The following CHST1 variants were observed in gnomAD, a reference collection of about 807,000 sequenced individuals.
CHST1 encodes carbohydrate sulfotransferase 1.
In CHST1, 10 loss-of-function variants were observed where a neutral mutation model predicts 22.5. The ratio of observed to expected loss-of-function variants is 0.44; its 90% CI spans 0.27 to 0.75. CHST1 has a LOEUF of 0.75. CHST1 is among the 30% of genes least tolerant of loss of function. CHST1 has a pLI of 0.15. For missense variants in CHST1, 439 were observed against 576.1 expected (o/e 0.76, Z 2.44); for synonymous variants, 267 against 264.5 (o/e 1.01, Z -0.09).
intron 1 of CHST1, among the ~76,000 whole-genome samples, chr11:45,653,270 G>A (rs749969725): frequency 6.6e-6 from 1 of 152,064 alleles, no homozygotes; most frequent in Non-Finnish European, 1.5e-5. Flanking sequence ...CACTCCCACT[G>A]TTCAGATGGA....
chr11:45,663,640 G>T (rs557272321), intron 1 of CHST1, among the ~76,000 whole-genome samples: 1 of 152,218 alleles, frequency 6.6e-6, no homozygotes, highest in South Asian at 2.1e-4. Context: ...GGGATGATTA[G>T]CAGAGACTTG....
chr11:45,656,119 C>T (rs1852058704), intron 1 of CHST1, among the ~76,000 whole-genome samples: 1 of 152,256 alleles, frequency 6.6e-6, no homozygotes, highest in South Asian at 2.1e-4. Context: ...AAACCCAGGG[C>T]TGAGGCCTTG....
chr11:45,663,359 G>C (rs1852157926), intron 1 of CHST1, among the ~76,000 whole-genome samples: 1 of 152,202 alleles, frequency 6.6e-6, no homozygotes, highest in Non-Finnish European at 1.5e-5. Context: ...GTCGGCAAGG[G>C]TTGGGGGGAG....
At position 45,649,933 on chromosome 11, in the gene CHST1, A is replaced by G; in HGVS notation, c.991T>C (p.Trp331Arg). 6.2e-7 allele frequency: 1 copy of G among 1,613,198 alleles called. No homozygotes were observed. Among genetic ancestry groups the G allele is most frequent in the Non-Finnish European group, 8.5e-7 (1 of 1,180,030 alleles). Reference sequence around the variant, plus strand: ...TCGCCCCGCGTGTTGTTCTGGATCCAGCGGGCCACGTGGCTGTCCAGCGGG... The same window carrying G: ...TCGCCCCGCGTGTTGTTCTGGATCCGGCGGGCCACGTGGCTGTCCAGCGGG... ...GIPLDSHVAR[W>R]IQNNTRGDPT... Residue 331 changes from tryptophan to arginine, a missense_variant, in exon 4 of 4, where the codon TGG (tryptophan) becomes CGG (arginine). Physicochemically the swap from Trp to Arg is moderately radical, Grantham distance 101 (BLOSUM62 -3). Coordinates refer to ENST00000308064, the MANE Select transcript of CHST1 (RefSeq NM_003654.6).
intron 1 of CHST1, among the ~76,000 whole-genome samples, chr11:45,656,237 T>C (rs1327508108): frequency 6.6e-6 from 1 of 152,130 alleles, no homozygotes; most frequent in Non-Finnish European, 1.5e-5. Flanking sequence ...CCCGAACCTC[T>C]GAAAGCCCAA....
Position 45,665,004 on chromosome 11 carries a change from C to T in CHST1, c.-227+174G>A, listed in dbSNP as rs536001610. Among the ~76,000 whole-genome samples the T allele has an allele frequency of 7.9e-4, 120 of 152,144 alleles. 2 individuals are homozygous for T. Among genetic ancestry groups the T allele is most frequent in the Non-Finnish European group, 1.5e-3 (100 of 67,960 alleles). On this transcript the variant is annotated intron_variant, in intron 1 of 3. Transcript: ENST00000308064. This position sits in a 1 kb window ranked among gnomAD's most constrained non-coding sequence, Gnocchi z 4.0. ...TCACCGGCCACCAGCCCCGGCAGCC[C>T]CTTCCTGCGCCCAACACGCCGCCGT...
chr11:45,663,291 GAC>G (rs1852156951), intron 1 of CHST1, among the ~76,000 whole-genome samples: 1 of 152,148 alleles, frequency 6.6e-6, no homozygotes, highest in Admixed American at 6.5e-5. Flanking sequence ...GATGCGGCCT[GAC>G]ACACACCCCT....
chr11:45,664,995 C>T (rs1237650317), intron 1 of CHST1, among the ~76,000 whole-genome samples, 183 bp downstream of exon 1: 1 of 151,992 alleles, frequency 6.6e-6, no homozygotes, highest in Non-Finnish European at 1.5e-5. Flanking sequence ...GCCACCAGCC[C>T]CGGCAGCCCC....
intron 1 of CHST1, among the ~76,000 whole-genome samples, chr11:45,661,482 C>A (rs182339037): frequency 9.2e-5 from 14 of 152,214 alleles, no homozygotes; most frequent in Admixed American, 6.5e-4. Context: ...TGGCAGGAAC[C>A]GGAGAGCTGG....
Position 45,649,748 on chromosome 11 carries a change from C to T in CHST1, c.1176G>A (p.Glu392=). 6.2e-7 allele frequency: 1 copy of T among 1,609,072 alleles called. No individual in the cohort carries two copies. The highest frequency in any genetic ancestry group is 1.3e-5 in the African/African-American group (1 of 75,030). ...QLGYKIAASE[E]ELKNPSVSLV... ...GGCTGACCGAGGGGTTCTTCAGCTC[C>T]TCCTCCGAGGCGGCGATCTTGTAGC... The change falls in exon 4 of 4, where the codon GAG becomes GAA. Residue 392 remains glutamate (E), a synonymous_variant. Coordinates refer to ENST00000308064, the MANE Select transcript of CHST1 (RefSeq NM_003654.6).
chr11:45,655,098 C>G (rs954219997), intron 1 of CHST1, among the ~76,000 whole-genome samples: 1 of 152,232 alleles, frequency 6.6e-6, no homozygotes, highest in African/African-American at 2.4e-5. Flanking sequence ...GATCCCAGCT[C>G]AGCCACTTAC....
intron 1 of CHST1, among the ~76,000 whole-genome samples, chr11:45,660,182 A>G (rs552352976): frequency 5.3e-5 from 8 of 152,238 alleles, no homozygotes; most frequent in Non-Finnish European, 7.3e-5. Flanking sequence ...GCCTAGGGGT[A>G]AGAACTACAG....
chr11:45,648,968 T>C lies in CHST1; in HGVS notation c.*720A>G, dbSNP rs1851952301. The C allele has an allele frequency of 6.6e-6, 1 of 152,492 alleles. No individual in the cohort carries two copies. Among genetic ancestry groups the C allele is most frequent in the Admixed American group, 6.6e-5 (1 of 15,266 alleles). The allele number at this position is 152,492 out of a possible 1,614,324, so 9.4% of individuals were successfully genotyped here. A position where few individuals can be genotyped will look rare whatever the true frequency, so the allele number is the denominator to read the frequency against. On this transcript the variant is annotated 3_prime_UTR_variant, in exon 4 of 4. Coordinates refer to ENST00000308064, the MANE Select transcript of CHST1 (RefSeq NM_003654.6). ...AAACTGATCCACTCTTTTTTTTTCT[T>C]TTTGGCACAAAGAAATATCACAGAT...
intron 1 of CHST1, among the ~76,000 whole-genome samples, chr11:45,659,061 G>A (rs2120347920): frequency 6.6e-6 from 1 of 152,328 alleles, no homozygotes; most frequent in African/African-American, 2.4e-5. Flanking sequence ...AGGACCCAGA[G>A]CCTTGAGACT....
rs372517503 is a variant in CHST1, at chr11:45,657,238, T to C, written c.-226-4632A>G. 5.3e-5 allele frequency among the ~76,000 whole-genome samples: 8 copies of C among 152,276 alleles called. 1 individual carries two copies. Among genetic ancestry groups the C allele is most frequent in the African/African-American group, 1.9e-4 (8 of 41,546 alleles). ...CAGCACTAATCCCCCATGAATGTTT[T>C]AGTTAAGGCTAAAATGCATAAAACA... is the stretch of plus-strand genomic sequence containing the variant. On this transcript the variant is annotated intron_variant, in intron 1 of 3. Transcript: ENST00000308064.
rs531237811 is a variant in CHST1 at position 45,648,393 on chromosome 11, A to T, written c.*1295T>A. On this transcript the variant is annotated 3_prime_UTR_variant, in exon 4 of 4. Coordinates refer to ENST00000308064, the MANE Select transcript of CHST1 (RefSeq NM_003654.6). ...CCGGTCTCAACTGACTGAAGGAAAA[A>T]AAAAACGGCTGGGTGAGGTGGCTCA... Among the ~76,000 whole-genome samples the T allele has an allele frequency of 7.2e-5, 11 of 152,194 alleles. No homozygotes were observed. The highest frequency in any genetic ancestry group is 3.3e-4 in the Admixed American group (5 of 15,292).
Position 45,648,368 on chromosome 11 carries a change from C to G in CHST1, c.*1320G>C, listed in dbSNP as rs1053389554. Among the ~76,000 whole-genome samples, 1 of 151,904 alleles carries G rather than the reference C, an allele frequency of 6.6e-6. No individual in the cohort carries two copies. Among genetic ancestry groups the G allele is most frequent in the Non-Finnish European group, 1.5e-5 (1 of 67,972 alleles). ...AACATTATCCCTGGCTATAAGTTAC[C>G]CGGTCTCAACTGACTGAAGGAAAAA... On this transcript the variant is annotated 3_prime_UTR_variant, in exon 4 of 4. Transcript: ENST00000308064.
At chr11:45,662,467 G>C (rs1291529266) in intron 1 of CHST1, among the ~76,000 whole-genome samples, 4 of 152,328 alleles carry the variant, frequency 2.6e-5, no homozygotes. Flanking sequence ...CTTCCCAGCG[G>C]GGGGTGTGCC....
chr11:45,650,716 G>A lies in CHST1; in HGVS notation c.208C>T (p.Arg70Cys), dbSNP rs1590687649. Reference protein sequence around the residue: ...KTHILILATTRSGSSFVGQLF... With the variant: ...KTHILILATTCSGSSFVGQLF... ...TGGCCCACGAAGGAGGAGCCACTGC[G>A]CGTGGTGGCCAGGATGAGGATGTGG... The change falls in exon 4 of 4, where the codon CGC becomes TGC. Residue 70 changes from arginine to cysteine, a missense_variant. Transcript: ENST00000308064. 6.2e-7 allele frequency: 1 copy of A among 1,614,162 alleles called. No individual in the cohort carries two copies. Among genetic ancestry groups the A allele is most frequent in the Non-Finnish European group, 8.5e-7 (1 of 1,179,998 alleles).
Sources: gnomAD v4.1 joint callset for allele counts (sites outside exome capture counted in the v4.1 genomes callset) on GRCh38, gnomAD v4.1.1 for gene constraint, Gnocchi (gnomAD v3.1) non-coding constraint, MANE v1.5 for transcripts, NCBI Gene and HGNC (gene_info 2026-07-23, HGNC 2026-07-21) for gene names.